Variants in CTIF observed in about 807,000 individuals in gnomAD.
CTIF encodes the protein CBP80/20-dependent translation initiation factor.
A neutral mutation model predicts 66.0 loss-of-function variants in CTIF; 21 were observed. That is an observed-to-expected ratio of 0.32 (90% CI 0.23 to 0.46). The LOEUF is 0.46. Among genes scored for constraint, CTIF ranks in the 20% least tolerant of loss-of-function variants. CTIF has a pLI of 1.00. For missense variants in CTIF, 739 were observed against 812.7 expected, an observed-to-expected ratio of 0.91 and a Z score of 1.10; for synonymous variants, 345 against 326.4, an observed-to-expected ratio of 1.06 and a Z score of -0.62.
chr18:48,708,277 T>G (rs1317654652), intron 6 of CTIF, among the ~76,000 whole-genome samples: 1 of 152,200 alleles, frequency 6.6e-6, no homozygotes, highest in African/African-American at 2.4e-5. Flanking sequence ...CAGTACAGAC[T>G]TTCTCCTTTC....
intron 6 of CTIF, among the ~76,000 whole-genome samples, chr18:48,702,421 G>A (rs2092096336): frequency 6.6e-6 from 1 of 152,204 alleles, no homozygotes. Context: ...ACTGAAACCT[G>A]TCCGGGGTTC....
At chr18:48,617,308 G>C (rs1307012043) in intron 1 of CTIF, among the ~76,000 whole-genome samples, 1 of 152,186 alleles carries the variant, frequency 6.6e-6, no homozygotes, top group Non-Finnish European at 1.5e-5. Flanking sequence ...CTGAGCTCTA[G>C]TCCCAGATTT....
chr18:48,602,406 T>A (rs1218546930), intron 1 of CTIF, among the ~76,000 whole-genome samples: 1 of 152,198 alleles, frequency 6.6e-6, no homozygotes, highest in Non-Finnish European at 1.5e-5. Context: ...TGAAACAGTC[T>A]CAGAGCCAGG....
intron 9 of CTIF, among the ~76,000 whole-genome samples, chr18:48,815,278 G>A (rs1325091346): frequency 6.6e-6 from 1 of 152,150 alleles, no homozygotes; most frequent in East Asian, 1.9e-4. Flanking sequence ...AAAAATGTTT[G>A]GTCTCCAGAG....
At position 48,677,101 on chromosome 18, in the gene CTIF, T is replaced by C. The variant is rs544673323; in HGVS notation, c.507+6357T>C. ...GAGAAGGAGTAACTTTATTGTTCCC[T>C]AGGGCTGTGTTAGCTGTTGCCAAGT... On this transcript the variant is annotated intron_variant, in intron 6 of 11. Transcript: ENST00000256413. Among the ~76,000 whole-genome samples, 831 of 152,242 alleles carry C rather than the reference T, an allele frequency of 5.5e-3. 1 individual carries two copies. The highest frequency in any genetic ancestry group is 8.2e-3 in the Non-Finnish European group (559 of 68,014).
At chr18:48,757,308 G>T (rs937961438) in intron 7 of CTIF, among the ~76,000 whole-genome samples, 5 of 152,050 alleles carry the variant, frequency 3.3e-5, no homozygotes, top group African/African-American at 1.2e-4. Flanking sequence ...GTTTTGCGGG[G>T]TGGATGGGGG....
intron 9 of CTIF, among the ~76,000 whole-genome samples, chr18:48,798,278 A>G (rs117612268): frequency 5.9e-5 from 9 of 152,324 alleles, no homozygotes; most frequent in Non-Finnish European, 1.2e-4. Context: ...ATTTAAAGAT[A>G]CAGTTAGACT....
chr18:48,619,111 G>T (rs376407709), intron 1 of CTIF, among the ~76,000 whole-genome samples: 1 of 152,132 alleles, frequency 6.6e-6, no homozygotes, highest in African/African-American at 2.4e-5. Context: ...TTTGTGTCTC[G>T]GGCCCCATTG....
intron 3 of CTIF, among the ~76,000 whole-genome samples, chr18:48,644,978 T>C (rs79250901): frequency 0.013 from 1,945 of 152,314 alleles, 28 homozygotes; most frequent in African/African-American, 0.042. Context: ...GTTTCTGCTC[T>C]ATAAAATGAG....
intron 1 of CTIF, among the ~76,000 whole-genome samples, chr18:48,593,386 C>CTT (rs1354032234): frequency 3.5e-5 from 5 of 141,092 alleles, no homozygotes; most frequent in Non-Finnish European, 4.7e-5. Flanking sequence ...TTTTTTTTTT[C>CTT]TTTTTTTTTT....
At chr18:48,667,769 T>A (rs1417012353) in intron 5 of CTIF, among the ~76,000 whole-genome samples, 1 of 152,216 alleles carries the variant, frequency 6.6e-6, no homozygotes, top group Admixed American at 6.5e-5. Context: ...GAGAGTCACC[T>A]GGGGTCTCCC....
chr18:48,773,765 C>T (rs1910398101), intron 9 of CTIF, among the ~76,000 whole-genome samples: 2 of 151,928 alleles, frequency 1.3e-5, no homozygotes, highest in African/African-American at 4.8e-5. Context: ...CACCATGCTG[C>T]TGTGGGCTTA....
At chr18:48,846,113 C>T (rs1295970289) in intron 10 of CTIF, among the ~76,000 whole-genome samples, 1 of 152,246 alleles carries the variant, frequency 6.6e-6, no homozygotes, top group East Asian at 1.9e-4. Context: ...AAACTCAGTA[C>T]CATGGCATCT....
At chr18:48,806,507 A>G (rs903211417) in intron 9 of CTIF, among the ~76,000 whole-genome samples, 2 of 152,188 alleles carry the variant, frequency 1.3e-5, no homozygotes, top group African/African-American at 2.4e-5. Flanking sequence ...TCCCTAGGCC[A>G]TTCATTTTCC....
At chr18:48,573,031 G>C (rs2089450663) in intron 1 of CTIF, among the ~76,000 whole-genome samples, 1 of 152,096 alleles carries the variant, frequency 6.6e-6, no homozygotes, top group East Asian at 1.9e-4. Flanking sequence ...GGCATTTTCA[G>C]CTCAGAGAAC....
At chr18:48,557,002 G>T (rs1351093362) in intron 1 of CTIF, among the ~76,000 whole-genome samples, 1 of 152,188 alleles carries the variant, frequency 6.6e-6, no homozygotes, top group Non-Finnish European at 1.5e-5. Context: ...ACTTAGCCCA[G>T]TGCTTGGCAT....
rs562568819 is a variant in CTIF at position 48,541,177 on chromosome 18, G to A, written c.-29+1865G>A. On this transcript the variant is annotated intron_variant, in intron 1 of 11. Transcript: ENST00000256413. The stretch of plus-strand genomic sequence containing the variant: ...GTCAGCGACTGCCAACCGCAGCCCC[G>A]GCTCTTCAGTCTGGGGACAGTGGGA... 1.4e-4 allele frequency among the ~76,000 whole-genome samples: 22 copies of A among 152,262 alleles called. No homozygotes were observed. The East Asian group carries it at 4.3e-3, about 30-fold the overall frequency.
At chr18:48,788,976 A>C (rs1023186635) in intron 9 of CTIF, among the ~76,000 whole-genome samples, 3 of 152,144 alleles carry the variant, frequency 2.0e-5, no homozygotes, top group Admixed American at 6.5e-5. Context: ...TAGGCCTGGG[A>C]GACCCTGGGC....
intron 9 of CTIF, among the ~76,000 whole-genome samples, chr18:48,775,910 C>T (rs972830040): frequency 5.9e-5 from 9 of 152,228 alleles, no homozygotes; most frequent in Admixed American, 1.3e-4. Context: ...CCAGCCGGGC[C>T]GTGACCCCAG....
Sources: allele counts gnomAD v4.1 joint callset (sites outside exome capture counted in the v4.1 genomes callset), GRCh38; gene constraint gnomAD v4.1.1; transcripts MANE v1.5; gene names NCBI Gene and HGNC (gene_info 2026-07-23, HGNC 2026-07-21).